PINX1: variants seen among roughly 807,000 people sequenced by gnomAD.
PINX1 encodes PIN2/TERF1-interacting telomerase inhibitor 1.
Under a neutral mutation model 25.4 loss-of-function variants are expected in PINX1, and 34 were observed. The ratio of observed to expected loss-of-function variants is 1.34; its 90% CI spans 1.02 to 1.78. PINX1 has a LOEUF of 1.78. Among genes scored for constraint, PINX1 ranks in the 40% most tolerant of loss-of-function variants. The probability of loss-of-function intolerance (pLI) is 0.00; values close to 1 mark genes in which losing one functional copy is unlikely to be tolerated. For synonymous variants in PINX1, 197 were observed against 147.7 expected (o/e 1.33, Z -2.42); for missense variants, 592 against 404.9 (o/e 1.46, Z -3.97).
chr8:10,811,917 T>G (rs1000513682), intron 6 of PINX1, among the ~76,000 whole-genome samples: 1 of 152,136 alleles, frequency 6.6e-6, no homozygotes, highest in Non-Finnish European at 1.5e-5. Context: ...CACCTCCTGG[T>G]GTGGAGGTGG....
intron 6 of PINX1, among the ~76,000 whole-genome samples, chr8:10,780,795 G>A (rs1179099820): frequency 6.6e-6 from 1 of 152,136 alleles, no homozygotes; most frequent in Non-Finnish European, 1.5e-5. Context: ...GCAATATACA[G>A]ATTCAATGTA....
chr8:10,782,063 C>G (rs1801602958), intron 6 of PINX1, among the ~76,000 whole-genome samples: 1 of 152,036 alleles, frequency 6.6e-6, no homozygotes, highest in Non-Finnish European at 1.5e-5. Context: ...CTAGATGACA[C>G]TATGGTAAGT....
intron 6 of PINX1, among the ~76,000 whole-genome samples, chr8:10,800,762 G>A (rs542884059): frequency 6.6e-6 from 1 of 152,118 alleles, no homozygotes; most frequent in Non-Finnish European, 1.5e-5. Flanking sequence ...AAGTCACTAC[G>A]CCCGGCCAAG....
At chr8:10,827,364 A>T (rs1396659137) in intron 4 of PINX1, among the ~76,000 whole-genome samples, 1 of 152,160 alleles carries the variant, frequency 6.6e-6, no homozygotes, top group Non-Finnish European at 1.5e-5. Context: ...TGAGGAAGAC[A>T]TCCGAGTGGT....
intron 4 of PINX1, among the ~76,000 whole-genome samples, chr8:10,830,832 T>C (rs751907693): frequency 6.6e-6 from 1 of 152,186 alleles, no homozygotes; most frequent in Non-Finnish European, 1.5e-5. Context: ...GGTTAGGATA[T>C]GGAGAAATTG....
At chr8:10,824,628 G>C (rs996566477) in intron 5 of PINX1, among the ~76,000 whole-genome samples, 1 of 152,214 alleles carries the variant, frequency 6.6e-6, no homozygotes, top group East Asian at 1.9e-4. Context: ...GCATCCATTA[G>C]ATTAAAGCAG....
chr8:10,810,749 G>A (rs13277664), intron 6 of PINX1, among the ~76,000 whole-genome samples: 11,084 of 152,220 alleles, frequency 0.073, 545 homozygotes, highest in African/African-American at 0.13. Context: ...CAGAGAACAT[G>A]GTATTAGAAG....
At chr8:10,833,853 T>C (rs897096247) in intron 2 of PINX1, 4 of 155,152 alleles carry the variant, frequency 2.6e-5, no homozygotes, top group Non-Finnish European at 5.8e-5. Flanking sequence ...TGGCAGACGG[T>C]GCCATGTATG....
chr8:10,796,583 T>C (rs1221512503), intron 6 of PINX1, among the ~76,000 whole-genome samples: 1 of 152,168 alleles, frequency 6.6e-6, no homozygotes, highest in Non-Finnish European at 1.5e-5. Context: ...CTTTAAAAGA[T>C]ACAATGTTTA....
chr8:10,779,301 A>C (rs56023918), intron 6 of PINX1, among the ~76,000 whole-genome samples: 1 of 152,166 alleles, frequency 6.6e-6, no homozygotes, highest in African/African-American at 2.4e-5. Flanking sequence ...TAAATGTATA[A>C]AATAACGAAG....
At chr8:10,767,034 C>T (rs1665431274) in intron 6 of PINX1, among the ~76,000 whole-genome samples, 1 of 152,162 alleles carries the variant, frequency 6.6e-6, no homozygotes, top group African/African-American at 2.4e-5. Context: ...AGCAATCATG[C>T]TAAACTTAGG....
intron 6 of PINX1, among the ~76,000 whole-genome samples, chr8:10,773,043 C>T (rs1237479043): frequency 6.6e-6 from 1 of 151,942 alleles, no homozygotes; most frequent in Non-Finnish European, 1.5e-5. Flanking sequence ...TGAATTTCCT[C>T]AGTAAAAATC....
intron 6 of PINX1, among the ~76,000 whole-genome samples, chr8:10,792,003 G>C (rs559394921): frequency 7.2e-5 from 11 of 152,160 alleles, no homozygotes. Flanking sequence ...TTAACTCTCC[G>C]TGCTGGCCAG....
chr8:10,786,219 T>C (rs1215148540), intron 6 of PINX1, among the ~76,000 whole-genome samples: 1 of 152,238 alleles, frequency 6.6e-6, no homozygotes, highest in Non-Finnish European at 1.5e-5. Flanking sequence ...TTTAGGTGAA[T>C]TTCTTGGGAC....
rs532909998 is a variant in PINX1, at chr8:10,807,196, C to G, written c.471+12997G>C. ...GGAACATACGGTTGTATCCGTGAGACAAGAACAGGACATTATTAAAAAATA... is the reference window on the plus strand; with the variant it reads ...GGAACATACGGTTGTATCCGTGAGAGAAGAACAGGACATTATTAAAAAATA... On this transcript the variant is annotated intron_variant, in intron 6 of 6. Transcript: ENST00000314787. Among the ~76,000 whole-genome samples the G allele has an allele frequency of 2.0e-5, 3 of 151,820 alleles. No individual in the cohort carries two copies. The East Asian group carries it at 5.8e-4, about 29-fold the overall frequency.
At chr8:10,780,710 G>A (rs915687741) in intron 6 of PINX1, among the ~76,000 whole-genome samples, 2 of 151,750 alleles carry the variant, frequency 1.3e-5, no homozygotes, top group African/African-American at 4.8e-5. Context: ...GAACGAAAAA[G>A]GACACAGATA....
chr8:10,801,282 C>G (rs1029935037), intron 6 of PINX1, among the ~76,000 whole-genome samples: 1 of 152,202 alleles, frequency 6.6e-6, no homozygotes, highest in African/African-American at 2.4e-5. Flanking sequence ...CTCCCATATG[C>G]TAAAGGAGGA....
chr8:10,777,988 G>T (rs1389500936), intron 6 of PINX1, among the ~76,000 whole-genome samples: 1 of 152,198 alleles, frequency 6.6e-6, no homozygotes, highest in African/African-American at 2.4e-5. Context: ...GCCTCACAGT[G>T]CAAAGGAACA....
chr8:10,780,066 A>C (rs561122625), intron 6 of PINX1, among the ~76,000 whole-genome samples: 1 of 152,314 alleles, frequency 6.6e-6, no homozygotes, highest in East Asian at 1.9e-4. Flanking sequence ...TTGTATGTTG[A>C]TCATGTATCC....
Sources: gnomAD v4.1 joint callset for allele counts (sites outside exome capture counted in the v4.1 genomes callset) on GRCh38, gnomAD v4.1.1 for gene constraint, MANE v1.5 for transcripts, NCBI Gene and HGNC (gene_info 2026-07-23, HGNC 2026-07-21) for gene names.